Variants in FARS2 observed in about 807,000 individuals in gnomAD.
The protein encoded by FARS2 is phenylalanyl-tRNA synthetase 2, mitochondrial.
Under a neutral mutation model 46.4 loss-of-function variants are expected in FARS2, and 40 were observed. That is an observed-to-expected ratio of 0.86 (90% CI 0.67 to 1.12). FARS2 has a LOEUF of 1.12. FARS2 is among the 50% of genes most tolerant of loss of function. FARS2 has a pLI of 0.00. For synonymous variants in FARS2, 234 were observed against 214.9 expected (o/e 1.09, Z -0.78); for missense variants, 513 against 567.9 (o/e 0.90, Z 0.98).
At chr6:5,686,224 T>TG (rs397738734) in intron 6 of FARS2, among the ~76,000 whole-genome samples, 2 of 151,802 alleles carry the variant, frequency 1.3e-5, no homozygotes, top group Non-Finnish European at 2.9e-5. Context: ...TATTATACTT[T>TG]AAGTTTTAGG....
At chr6:5,386,899 A>G (rs1760168489) in intron 2 of FARS2, among the ~76,000 whole-genome samples, 2 of 152,162 alleles carry the variant, frequency 1.3e-5, no homozygotes, top group Admixed American at 6.5e-5. Flanking sequence ...TATGTGATCT[A>G]TGGGCATATG....
intron 4 of FARS2, among the ~76,000 whole-genome samples, chr6:5,438,861 G>A (rs1763682689): frequency 6.6e-6 from 1 of 152,194 alleles, no homozygotes; most frequent in South Asian, 2.1e-4. Flanking sequence ...TTGGATTAGG[G>A]ATACTGAACC....
At chr6:5,640,610 C>T (rs922479749) in intron 6 of FARS2, among the ~76,000 whole-genome samples, 2 of 152,236 alleles carry the variant, frequency 1.3e-5, no homozygotes, top group East Asian at 3.8e-4. Context: ...GCGGCCACAT[C>T]CCACTGCCCT....
chr6:5,314,825 T>G (rs565904745), intron 1 of FARS2, among the ~76,000 whole-genome samples: 1 of 152,344 alleles, frequency 6.6e-6, no homozygotes, highest in East Asian at 1.9e-4. Context: ...TCATTACTCT[T>G]TCATGTAATT....
intron 6 of FARS2, among the ~76,000 whole-genome samples, chr6:5,714,403 G>A (rs543047799): frequency 2.0e-4 from 31 of 152,230 alleles, no homozygotes; most frequent in Admixed American, 5.2e-4. Flanking sequence ...TGCTGTCCCC[G>A]CATGTATGGC....
In FARS2 at chr6:5,523,998, TAG is replaced by T. The variant is rs774137476; in HGVS notation, c.905-21181_905-21180del. On this transcript the variant is annotated intron_variant, in intron 4 of 6. Coordinates refer to ENST00000274680, the MANE Select transcript of FARS2 (RefSeq NM_006567.5). ...TGTTTCCAAGAACATGATGAATTCT[TAG>T]TTTTTACCAATACAGCATAAAGGAG... 3.8e-3 allele frequency among the ~76,000 whole-genome samples: 572 copies of T among 152,320 alleles called. 6 individuals carry two copies. Among genetic ancestry groups the T allele is most frequent in the Admixed American group, 7.2e-3 (110 of 15,294 alleles).
chr6:5,606,361 G>A (rs1173134393), intron 5 of FARS2, among the ~76,000 whole-genome samples: 2 of 151,864 alleles, frequency 1.3e-5, no homozygotes, highest in East Asian at 1.9e-4. Flanking sequence ...CTAATAGGCG[G>A]CAGGGAAGTT....
chr6:5,596,489 T>A (rs910234507), intron 5 of FARS2, among the ~76,000 whole-genome samples: 2 of 152,242 alleles, frequency 1.3e-5, no homozygotes, highest in Non-Finnish European at 2.9e-5. Context: ...GTTTCCTGAC[T>A]AGTGCTGTGT....
At chr6:5,610,090 A>G (rs554594863) in intron 5 of FARS2, 6 of 947,544 alleles carry the variant, frequency 6.3e-6, no homozygotes, top group African/African-American at 1.6e-5. Context: ...AGCATTCCCC[A>G]TTGCTCAGAA....
At chr6:5,538,891 G>A (rs1056561627) in intron 4 of FARS2, among the ~76,000 whole-genome samples, 6 of 152,134 alleles carry the variant, frequency 3.9e-5, no homozygotes, top group African/African-American at 1.2e-4. Context: ...ATGATTATGC[G>A]AATGAAAGGT....
rs534560741 is a variant in FARS2 at position 5,441,946 on chromosome 6, A to G, written c.904+10774A>G. Among the ~76,000 whole-genome samples, 3 of 152,220 alleles carry G rather than the reference A, an allele frequency of 2.0e-5. No homozygotes were observed. In the South Asian group the frequency reaches 6.2e-4, roughly 32 times the overall value. ...TTTGGCAGTCTGATACGTTTAAAAT[A>G]GTATCTCTAGCTGAGCTTGGTGGTG... On this transcript the variant is annotated intron_variant, in intron 4 of 6. Coordinates refer to ENST00000274680, the MANE Select transcript of FARS2 (RefSeq NM_006567.5).
At chr6:5,496,191 C>A (rs1178043271) in intron 4 of FARS2, among the ~76,000 whole-genome samples, 5 of 152,230 alleles carry the variant, frequency 3.3e-5, no homozygotes, top group Non-Finnish European at 7.4e-5. Context: ...GAGTACTCTG[C>A]TTTTGAATCC....
chr6:5,254,245 C>T, the FARS2 span, among the ~76,000 whole-genome samples: 2 of 152,264 alleles, frequency 1.3e-5, no homozygotes, highest in East Asian at 1.9e-4. Flanking sequence ...TGGCCTCATC[C>T]GCCATATTCA....
rs554710831 is a variant in FARS2, at chr6:5,732,720, T to G, written c.1218-38571T>G. ...TGGGTCAGCCGGACTCCAGCCCCAG[T>G]CACGAGCTCCTGGACAGCTCCTAGT... is the stretch of plus-strand genomic sequence containing the variant. On this transcript the variant is annotated intron_variant, in intron 6 of 6. Transcript: ENST00000274680. Among the ~76,000 whole-genome samples, 3 of 152,236 alleles carry G rather than the reference T, an allele frequency of 2.0e-5. No individual in the cohort carries two copies. In the South Asian group the frequency reaches 6.2e-4, roughly 32 times the overall value.
At chr6:5,741,089 G>C (rs781306146) in intron 6 of FARS2, among the ~76,000 whole-genome samples, 1 of 152,156 alleles carries the variant, frequency 6.6e-6, no homozygotes, top group Non-Finnish European at 1.5e-5. Flanking sequence ...ACCAACCTCC[G>C]CATCCCGAGA....
At chr6:5,325,749 C>G (rs1479609920) in intron 1 of FARS2, among the ~76,000 whole-genome samples, 1 of 151,822 alleles carries the variant, frequency 6.6e-6, no homozygotes, top group Non-Finnish European at 1.5e-5. Context: ...CATAAGGAAG[C>G]ATGAAAGAGA....
chr6:5,438,683 G>A lies in FARS2; in HGVS notation c.904+7511G>A, dbSNP rs552672124. Among the ~76,000 whole-genome samples, 3 of 152,238 alleles carry A rather than the reference G, an allele frequency of 2.0e-5. No homozygotes were observed. In the South Asian group the frequency reaches 6.2e-4, roughly 32 times the overall value. Reference sequence around the variant, plus strand: ...CCATTATCCAAAATGCTTGGAATGAGAAGTGTTTCAGATTTTTGGATTTTG... The same window carrying A: ...CCATTATCCAAAATGCTTGGAATGAAAAGTGTTTCAGATTTTTGGATTTTG... On this transcript the variant is annotated intron_variant, in intron 4 of 6. Coordinates refer to ENST00000274680, the MANE Select transcript of FARS2 (RefSeq NM_006567.5).
chr6:5,296,129 C>CTTTTTTTTTTTTTTT lies in FARS2; in HGVS notation c.-22+34485_-22+34499dup, dbSNP rs70974187. On this transcript the variant is annotated intron_variant, in intron 1 of 6. Transcript: ENST00000274680. ...CAAACATAAAAATTATCATTTTGGC[C>CTTTTTTTTTTTTTTT]TTTTTTTTTTTTTTTTTTTTTTTTT... is the stretch of plus-strand genomic sequence containing the variant. Among the ~76,000 whole-genome samples the CTTTTTTTTTTTTTTT allele has an allele frequency of 5.5e-5, 3 of 55,040 alleles. 1 individual carries two copies. Among genetic ancestry groups the CTTTTTTTTTTTTTTT allele is most frequent in the African/African-American group, 8.9e-5 (1 of 11,272 alleles). The allele number at this position is 55,040 out of a possible 152,430, so 36.1% of individuals were successfully genotyped here.
chr6:5,717,677 CA>C (rs1385179661), intron 6 of FARS2, among the ~76,000 whole-genome samples: 1 of 151,884 alleles, frequency 6.6e-6, no homozygotes, highest in Non-Finnish European at 1.5e-5. Context: ...TGAGATTGAT[CA>C]ATAGATTCAG....
Sources: gnomAD v4.1 joint callset for allele counts (sites outside exome capture counted in the v4.1 genomes callset) on GRCh38, gnomAD v4.1.1 for gene constraint, MANE v1.5 for transcripts, NCBI Gene and HGNC (gene_info 2026-07-23, HGNC 2026-07-21) for gene names.